GRIA3: variants seen among roughly 807,000 people sequenced by gnomAD.
GRIA3 encodes glutamate receptor 3.
Under a neutral mutation model 63.0 loss-of-function variants are expected in GRIA3, and 3 were observed. The ratio of observed to expected loss-of-function variants is 0.05; its 90% CI spans 0.02 to 0.12. The LOEUF is 0.12. Ranked by LOEUF, GRIA3 falls within the 10% of genes least tolerant of loss-of-function variation. The pLI, the probability that GRIA3 is intolerant of heterozygous loss-of-function variation, is 1.00. For synonymous variants in GRIA3, 274 were observed against 257.9 expected (o/e 1.06, Z -0.60); for missense variants, 347 against 700.9 (o/e 0.50, Z 5.70).
chrX:123,355,789 G>C (rs1048910889), intron 5 of GRIA3, among the ~76,000 whole-genome samples: 3 of 111,471 alleles, frequency 2.7e-5, no homozygotes, highest in Non-Finnish European at 5.7e-5. Context: ...TAGAAACAAA[G>C]GTGAAAGATT....
chrX:123,440,708 A>G (rs2045669558), intron 12 of GRIA3, among the ~76,000 whole-genome samples: 2 of 112,659 alleles, frequency 1.8e-5, no homozygotes, highest in Admixed American at 1.9e-4. Flanking sequence ...TGCCAGATGA[A>G]TACTTTAGAA....
At chrX:123,321,186 T>C (rs1450200685) in intron 3 of GRIA3, among the ~76,000 whole-genome samples, 4 of 111,867 alleles carry the variant, frequency 3.6e-5, no homozygotes, top group Non-Finnish European at 7.5e-5. Context: ...TGGAAAAGTA[T>C]TGAATTACCC....
chrX:123,357,454 T>C (rs1250344872), intron 5 of GRIA3, among the ~76,000 whole-genome samples: 3 of 105,808 alleles, frequency 2.8e-5, no homozygotes, highest in Non-Finnish European at 5.8e-5. Flanking sequence ...TGTGGGTACA[T>C]ACTAGATGTA....
chrX:123,253,496 T>A lies in GRIA3; in HGVS notation c.462T>A (p.Gly154=). ...ALKGAILSLL[G]HYKWEKFVYL... ...AGGGCGCTATTCTGAGTCTTCTGGG[T>A]CATTACAAGTGGGAGAAGTTTGTGT... The change falls in exon 3 of 16, where the codon GGT becomes GGA. Residue 154 remains glycine (G), a synonymous_variant. Coordinates refer to ENST00000620443, the MANE Select transcript of GRIA3 (RefSeq NM_007325.5). 4 of 1,207,907 alleles carry A rather than the reference T, an allele frequency of 3.3e-6. No individual in the cohort carries two copies. Among genetic ancestry groups the A allele is most frequent in the Non-Finnish European group, 4.5e-6 (4 of 892,132 alleles).
At chrX:123,302,191 A>G (rs969010325) in intron 3 of GRIA3, among the ~76,000 whole-genome samples, 1 of 111,889 alleles carries the variant, frequency 8.9e-6, no homozygotes, top group South Asian at 3.7e-4. Flanking sequence ...ACTGGATTAG[A>G]GGGTAGTTTT....
chrX:123,238,527 A>C (rs2044312897), intron 2 of GRIA3, among the ~76,000 whole-genome samples: 1 of 112,141 alleles, frequency 8.9e-6, no homozygotes, highest in South Asian at 3.7e-4. Flanking sequence ...ACACATATGC[A>C]TGTATTTAAA....
chrX:123,455,499 C>T (rs2045756481), intron 12 of GRIA3, among the ~76,000 whole-genome samples: 1 of 111,811 alleles, frequency 8.9e-6, no homozygotes, highest in Admixed American at 9.5e-5. Flanking sequence ...TTCTTCAAAA[C>T]ATAAGTGGAA....
intron 10 of GRIA3, among the ~76,000 whole-genome samples, chrX:123,412,221 G>C (rs1354747961): frequency 5.4e-5 from 6 of 111,661 alleles, no homozygotes. Flanking sequence ...TTAGTTACAG[G>C]GTGGAGCATA....
rs983320867 is a variant in GRIA3, at chrX:123,465,621, G to A, written c.2324+509G>A. ...CTTGTGCTCCTTTTTATACGTTAAC[G>A]ATTTCCTAAGCATTTGTGCATTTTC... On this transcript the variant is annotated intron_variant, in intron 13 of 15. Transcript: ENST00000620443. The A allele has an allele frequency of 5.2e-6, 5 of 959,221 alleles. No homozygotes were observed. In the East Asian group the frequency reaches 9.2e-5, roughly 18 times the overall value. The allele number at this position is 959,221 out of a possible 1,213,427, so 79.1% of individuals were successfully genotyped here.
intron 2 of GRIA3, among the ~76,000 whole-genome samples, chrX:123,240,365 T>A (rs1182625240): frequency 9.0e-6 from 1 of 111,498 alleles, no homozygotes; most frequent in Non-Finnish European, 1.9e-5. Flanking sequence ...GGAAAATAGG[T>A]TTTTTTGCTC....
intron 3 of GRIA3, among the ~76,000 whole-genome samples, chrX:123,307,195 C>G (rs1024380032): frequency 1.4e-4 from 16 of 111,595 alleles, no homozygotes; most frequent in Non-Finnish European, 2.6e-4. Context: ...GTTGTCACAG[C>G]AACTTTACCC....
At chrX:123,193,120 G>A (rs181273133) in intron 2 of GRIA3, among the ~76,000 whole-genome samples, 3 of 108,390 alleles carry the variant, frequency 2.8e-5, no homozygotes, top group South Asian at 8.4e-4. Context: ...CAACAAGTCC[G>A]TGTCCATTTC....
At chrX:123,382,164 T>C (rs920831421) in intron 5 of GRIA3, among the ~76,000 whole-genome samples, 2 of 112,069 alleles carry the variant, frequency 1.8e-5, no homozygotes, top group Non-Finnish European at 3.8e-5. Flanking sequence ...TCCTTTCATC[T>C]CCCTAAACAC....
chrX:123,200,927 C>T (rs1927721814), intron 2 of GRIA3, among the ~76,000 whole-genome samples: 1 of 111,546 alleles, frequency 9.0e-6, no homozygotes, highest in Non-Finnish European at 1.9e-5. Context: ...TGATCAGAAG[C>T]CAGACTCTCT....
At chrX:123,307,224 C>T (rs2044760632) in intron 3 of GRIA3, among the ~76,000 whole-genome samples, 1 of 111,590 alleles carries the variant, frequency 9.0e-6, no homozygotes, top group African/African-American at 3.3e-5. Flanking sequence ...ACCTTGGGGC[C>T]CCTGGAAGGC....
chrX:123,452,841 C>A (rs1271062525), intron 12 of GRIA3, among the ~76,000 whole-genome samples: 1 of 111,434 alleles, frequency 9.0e-6, no homozygotes, highest in African/African-American at 3.3e-5. Flanking sequence ...GAATTTGAGG[C>A]TTTGCTCTAG....
At chrX:123,299,019 G>A (rs776808840) in intron 3 of GRIA3, among the ~76,000 whole-genome samples, 8 of 110,517 alleles carry the variant, frequency 7.2e-5, no homozygotes, top group Non-Finnish European at 1.1e-4. Context: ...CAGGTTTGTC[G>A]AAGATCAGAT....
intron 5 of GRIA3, among the ~76,000 whole-genome samples, chrX:123,387,309 T>C (rs913620492): frequency 2.7e-5 from 3 of 111,895 alleles, no homozygotes; most frequent in Middle Eastern, 4.6e-3. Context: ...AATTTTACTG[T>C]ATTTAATGAT....
intron 4 of GRIA3, among the ~76,000 whole-genome samples, chrX:123,345,439 A>AAC (rs59142587): frequency 0.069 from 4,513 of 65,777 alleles, 142 homozygotes; most frequent in Admixed American, 0.075. Context: ...CCCCCTTCAC[A>AAC]ACACACACAC....
Sources: allele counts gnomAD v4.1 joint callset (sites outside exome capture counted in the v4.1 genomes callset), GRCh38; gene constraint gnomAD v4.1.1; transcripts MANE v1.5; gene names NCBI Gene and HGNC (gene_info 2026-07-23, HGNC 2026-07-21).